Variants in VWF observed in about 807,000 individuals in gnomAD.
The protein encoded by VWF is von Willebrand factor.
VWF carries 176 observed loss-of-function variants against 308.6 expected under a neutral mutation model. That is an observed-to-expected ratio of 0.57 (90% CI 0.50 to 0.65). The LOEUF is 0.65. VWF is among the 30% of genes least tolerant of loss of function. The probability of loss-of-function intolerance (pLI) is 0.00; values close to 1 mark genes in which losing one functional copy is unlikely to be tolerated. For missense variants in VWF, 3,146 were observed against 3,648.2 expected (o/e 0.86, Z 3.55); for synonymous variants, 1,385 against 1,443.4 (o/e 0.96, Z 0.92).
chr12:5,983,058 CGTGATCTTGGAAGAG>C (rs1943625836), intron 41 of VWF, 77 bp downstream of exon 41: 1 of 1,281,148 alleles, frequency 7.8e-7, no homozygotes, highest in Non-Finnish European at 1.1e-6. Context: ...CAGGAAATGA[CGTGATCTTGGAAGAG>C]GTCCCTGAGG....
Position 6,019,003 on chromosome 12 carries a change from T to TG in VWF, c.4414_4415insC (p.Asp1472AlafsTer40), listed in dbSNP as rs267607339. 6.2e-7 allele frequency: 1 copy of TG among 1,613,642 alleles called. No individual in the cohort carries two copies. Among genetic ancestry groups the TG allele is most frequent in the African/African-American group, 1.3e-5 (1 of 74,816 alleles). On this transcript the variant is annotated frameshift_variant, in exon 28 of 52. Transcript: ENST00000261405. LOFTEE classifies it high-confidence loss of function. This position sits in a 1 kb window ranked among gnomAD's most constrained non-coding sequence, Gnocchi z 5.8. ...CGGGCCCACAGTGACTTGTGCCATG[T>TG]CGGGGGGCAGAGTAGGAGGAGGGGC...
chr12:6,103,513 T>TACACATATATGTATAC, intron 5 of VWF, among the ~76,000 whole-genome samples: 1 of 135,122 alleles, frequency 7.4e-6, no homozygotes, highest in Non-Finnish European at 1.5e-5. Context: ...CGTATATATA[T>TACACATATATGTATAC]ACACACATAT....
At chr12:5,963,988 A>G (rs1943348875) in intron 47 of VWF, among the ~76,000 whole-genome samples, 1 of 152,156 alleles carries the variant, frequency 6.6e-6, no homozygotes, top group Middle Eastern at 3.4e-3. Context: ...TGGGCAGATC[A>G]CGAGGTCAGG....
chr12:6,093,209 G>A (rs544518581), intron 6 of VWF, among the ~76,000 whole-genome samples: 29 of 152,158 alleles, frequency 1.9e-4, no homozygotes, highest in African/African-American at 6.3e-4. Context: ...GGGGCACAGC[G>A]TAGGTGTCGG....
intron 6 of VWF, among the ~76,000 whole-genome samples, chr12:6,088,898 A>T (rs1945002609): frequency 6.6e-6 from 1 of 152,262 alleles, no homozygotes; most frequent in Admixed American, 6.5e-5. Context: ...TGGCATAACA[A>T]GGAAACATTC....
chr12:6,036,363 G>A lies in VWF; in HGVS notation c.2546+25C>T, dbSNP rs216325. The stretch of plus-strand genomic sequence containing the variant: ...CTCCACCCGCAGGGCCTGGGTCCCC[G>A]GCGCAGCCCCTCACTGAGCCTCACC... On this transcript the variant is annotated intron_variant, in intron 19 of 51. Transcript: ENST00000261405. 0.67 allele frequency: 1,081,484 copies of A among 1,609,928 alleles called. 365,749 individuals are homozygous for A. The highest frequency in any genetic ancestry group is 0.79 in the East Asian group (35,575 of 44,848).
Position 6,019,228 on chromosome 12 carries a change from A to G in VWF, c.4190T>C (p.Phe1397Ser). 1 of 1,613,864 alleles carries G rather than the reference A, an allele frequency of 6.2e-7. No homozygotes were observed. The highest frequency in any genetic ancestry group is 8.5e-7 in the Non-Finnish European group (1 of 1,179,846). The change falls in exon 28 of 52, where the codon TTT (phenylalanine) becomes TCT (serine). Residue 1397 changes from phenylalanine to serine, a missense_variant. Coordinates refer to ENST00000261405, the MANE Select transcript of VWF (RefSeq NM_000552.5). The surrounding 1 kb of genome is among the most constrained non-coding windows in gnomAD (Gnocchi z 5.8). ...CTTCAGGCCCTGGACGTAGCGGACA[A>G]AGTTCCGGGACATCCGTTGGGGCTC... The part of the protein sequence containing the change: ...SQEPQRMSRN[F>S]VRYVQGLKKK...
chr12:6,010,405 C>T (rs1391866191), intron 34 of VWF, among the ~76,000 whole-genome samples: 1 of 152,156 alleles, frequency 6.6e-6, no homozygotes, highest in Non-Finnish European at 1.5e-5. Flanking sequence ...GATGGACATT[C>T]CAGTTTTGCA....
chr12:6,036,136 T>C (rs1565838641), intron 19 of VWF, among the ~76,000 whole-genome samples: 1 of 152,190 alleles, frequency 6.6e-6, no homozygotes, highest in African/African-American at 2.4e-5. Context: ...CCAAAACAGT[T>C]GTGGTCCCAA....
At chr12:6,042,736 C>T (rs12371825) in intron 18 of VWF, among the ~76,000 whole-genome samples, 6,006 of 152,222 alleles carry the variant, frequency 0.039, 143 homozygotes, top group Middle Eastern at 0.065. Flanking sequence ...ATTTGAGGTC[C>T]CGCTGTCCTC....
intron 42 of VWF, among the ~76,000 whole-genome samples, chr12:5,981,214 A>AAAC (rs1943601174): frequency 6.6e-6 from 1 of 152,090 alleles, no homozygotes; most frequent in Admixed American, 6.5e-5. Context: ...AACTGACAGC[A>AAAC]ATAAATAAAT....
intron 39 of VWF, 83 bp from the exon 40 acceptor site, chr12:5,985,202 G>A: frequency 7.1e-7 from 1 of 1,416,746 alleles, no homozygotes; most frequent in Non-Finnish European, 1.0e-6. Context: ...CTTGCTCACT[G>A]AAAACTAGTA....
chr12:5,959,078 A>G (rs76097931), intron 47 of VWF, among the ~76,000 whole-genome samples: 11,840 of 152,116 alleles, frequency 0.078, 572 homozygotes, highest in African/African-American at 0.13. Context: ...ATGGTGGCAC[A>G]CACCTCTAGT....
In VWF at chr12:5,969,217, G is replaced by C; in HGVS notation, c.7723C>G (p.Arg2575Gly). The C allele has an allele frequency of 6.2e-7, 1 of 1,612,898 alleles. No individual in the cohort carries two copies. Among genetic ancestry groups the C allele is most frequent in the Non-Finnish European group, 8.5e-7 (1 of 1,179,474 alleles). The part of the protein sequence containing the change: ...CKTSACCPSC[R>G]CERMEACMLN... Reference sequence around the variant, plus strand: ...CCCAGCCTGCATGCCTTACCACAGCGACAGCTTGGGCAGCACGCTGAGGTC... The same window carrying C: ...CCCAGCCTGCATGCCTTACCACAGCCACAGCTTGGGCAGCACGCTGAGGTC... The change falls in exon 45 of 52, where the codon CGC becomes GGC. Residue 2575 changes from arginine to glycine, a missense_variant. Physicochemically the swap from Arg to Gly is moderately radical, Grantham distance 125. Transcript: ENST00000261405.
rs1199309850 is a variant in VWF, at chr12:6,092,515, TTGTCTG to T, written c.657+2939_657+2944del. ...ACCACCATGCCCAGCTAGTATGTGTTTGTCTGTGTGTGTGTGTGTGCACGCGCGTGT... is the reference window on the plus strand; with the variant it reads ...ACCACCATGCCCAGCTAGTATGTGTTTGTGTGTGTGTGTGCACGCGCGTGT... On this transcript the variant is annotated intron_variant, in intron 6 of 51. Transcript: ENST00000261405. Among the ~76,000 whole-genome samples the T allele has an allele frequency of 1.1e-3, 148 of 131,918 alleles. 1 individual carries two copies. Among genetic ancestry groups the T allele is most frequent in the Middle Eastern group, 4.0e-3 (1 of 250 alleles). 86.5% of individuals were successfully genotyped at this position (131,918 alleles called of 152,430 possible). A position where few individuals can be genotyped will look rare whatever the true frequency, so the allele number is the denominator to read the frequency against.
rs267607337 is a variant in VWF, at chr12:6,019,487, G to T, written c.3931C>A (p.Gln1311Lys). ...VDMMERLRISQKWVRVAVVEY... is the reference protein window; with the variant it reads ...VDMMERLRISKKWVRVAVVEY... The stretch of plus-strand genomic sequence containing the variant: ...ACCACGGCCACGCGGACCCACTTCT[G>T]GGAGATGCGCAGCCGCTCCATCATG... The change falls in exon 28 of 52, where the codon CAG becomes AAG. Residue 1311 changes from glutamine (Q) to lysine (K), a missense_variant. Transcript: ENST00000261405. The surrounding 1 kb of genome is among the most constrained non-coding windows in gnomAD (Gnocchi z 5.8). The T allele has an allele frequency of 4.3e-6, 7 of 1,613,858 alleles. No individual in the cohort carries two copies. Among genetic ancestry groups the T allele is most frequent in the Non-Finnish European group, 5.9e-6 (7 of 1,179,832 alleles).
chr12:5,961,856 T>G (rs868237379), intron 47 of VWF, among the ~76,000 whole-genome samples: 1 of 152,128 alleles, frequency 6.6e-6, no homozygotes, highest in Non-Finnish European at 1.5e-5. Context: ...CCCTACAAAA[T>G]TCCTATGTTG....
At chr12:6,120,815 AAAC>A (rs1439922380) in intron 3 of VWF, among the ~76,000 whole-genome samples, 2 of 152,296 alleles carry the variant, frequency 1.3e-5, no homozygotes, top group Middle Eastern at 3.4e-3. Context: ...GCCACCAAGA[AAAC>A]AACAACGAGT....
In VWF at chr12:6,060,076, C is replaced by T. The variant is rs957002341; in HGVS notation, c.1534-2032G>A. Among the ~76,000 whole-genome samples the T allele has an allele frequency of 3.3e-5, 5 of 152,134 alleles. No individual in the cohort carries two copies. Among genetic ancestry groups the T allele is most frequent in the African/African-American group, 9.7e-5 (4 of 41,418 alleles). On this transcript the variant is annotated intron_variant, in intron 13 of 51. Transcript: ENST00000261405. This position sits in a 1 kb window ranked among gnomAD's most constrained non-coding sequence, Gnocchi z 5.1. ...CTTCTCCCATCCCCTTGGCTTGTCTCGGAGGTCAGCTCGGCCAGGGTTAGG... is the reference window on the plus strand; with the variant it reads ...CTTCTCCCATCCCCTTGGCTTGTCTTGGAGGTCAGCTCGGCCAGGGTTAGG...
Sources: allele counts gnomAD v4.1 joint callset (sites outside exome capture counted in the v4.1 genomes callset), GRCh38; gene constraint gnomAD v4.1.1; non-coding constraint Gnocchi (gnomAD v3.1); transcripts MANE v1.5; gene names NCBI Gene and HGNC (gene_info 2026-07-23, HGNC 2026-07-21).